The following SETX variants were observed in gnomAD, a reference collection of about 807,000 sequenced individuals.
SETX encodes the protein helicase senataxin.
A neutral mutation model predicts 227.2 loss-of-function variants in SETX; 90 were observed. The observed-to-expected ratio is 0.40, with a 90% CI of 0.33 to 0.47. The LOEUF is 0.47. Ranked by LOEUF, SETX falls within the 20% of genes least tolerant of loss-of-function variation. The pLI is 0.91. For synonymous variants in SETX, 1,210 were observed against 1,113.2 expected (o/e 1.09, Z -1.73); for missense variants, 3,052 against 3,181.5 (o/e 0.96, Z 0.98).
intron 21 of SETX, 53 bp from the exon 22 acceptor site, chr9:132,277,205 A>T: frequency 6.5e-7 from 1 of 1,529,516 alleles, no homozygotes; most frequent in Non-Finnish European, 9.0e-7. Flanking sequence ...GATTTAAGAA[A>T]ATATCTTGGT....
At chr9:132,268,672 T>C (rs1043419936) in intron 25 of SETX, among the ~76,000 whole-genome samples, 1 of 152,258 alleles carries the variant, frequency 6.6e-6, no homozygotes, top group Non-Finnish European at 1.5e-5. Context: ...TTCCACTGGA[T>C]ATATTTAAGA....
intron 2 of SETX, 54 bp from the exon 3 acceptor site, chr9:132,349,489 T>G: frequency 6.4e-7 from 1 of 1,557,670 alleles, no homozygotes; most frequent in Non-Finnish European, 8.8e-7. Context: ...ACCTACTGTG[T>G]GTCAAGAATA....
chr9:132,350,329 G>A (rs1363734534), intron 2 of SETX, among the ~76,000 whole-genome samples: 1 of 152,132 alleles, frequency 6.6e-6, no homozygotes, highest in Non-Finnish European at 1.5e-5. Flanking sequence ...CAGCCTGGGT[G>A]ACAGAGTGAA....
At chr9:132,302,556 A>C (rs1845063062) in intron 11 of SETX, among the ~76,000 whole-genome samples, 1 of 144,578 alleles carries the variant, frequency 6.9e-6, no homozygotes, top group African/African-American at 2.6e-5. Flanking sequence ...GCTACTTGGG[A>C]GGCTGAGGCA....
chr9:132,328,432 T>C lies in SETX; in HGVS notation c.3166A>G (p.Lys1056Glu), dbSNP rs370911416. Residue 1056 changes from lysine to glutamate, a missense_variant, in exon 10 of 26, where the codon AAG becomes GAG. This residue lies in a region of SETX where 1,483 missense variants were observed against 1,312.0 expected (regional missense o/e 1.13). Coordinates refer to ENST00000224140, the MANE Select transcript of SETX (RefSeq NM_015046.7). ...PEQHVSTVNSKEEKNPVKEEK... is the reference protein window; with the variant it reads ...PEQHVSTVNSEEEKNPVKEEK... ...TCCTTTACTGGATTCTTTTCCTCCTTACTATTAACTGTTGAAACGTGCTGC... is the reference window on the plus strand; with the variant it reads ...TCCTTTACTGGATTCTTTTCCTCCTCACTATTAACTGTTGAAACGTGCTGC... The C allele has an allele frequency of 1.9e-6, 3 of 1,613,432 alleles. No homozygotes were observed. The highest frequency in any genetic ancestry group is 2.5e-6 in the Non-Finnish European group (3 of 1,179,934).
intron 7 of SETX, 84 bp downstream of exon 7, chr9:132,334,524 A>G (rs1197692427): frequency 6.8e-7 from 1 of 1,462,958 alleles, no homozygotes; most frequent in Non-Finnish European, 9.6e-7. Context: ...CACAACATAC[A>G]CCAATTCCTG....
At chr9:132,269,839 G>C (rs13290880) in intron 24 of SETX, 137 bp from the exon 25 acceptor site, 9 of 823,232 alleles carry the variant, frequency 1.1e-5, no homozygotes, top group Admixed American at 5.5e-5. Flanking sequence ...GTGAGCCCGA[G>C]ACACAGGTGG....
intron 4 of SETX, among the ~76,000 whole-genome samples, chr9:132,345,392 G>C (rs938273580): frequency 6.6e-6 from 1 of 152,188 alleles, no homozygotes; most frequent in Non-Finnish European, 1.5e-5. Flanking sequence ...TCCTGCCTCA[G>C]CCTCCTGAGT....
Position 132,327,228 on chromosome 9 carries a change from A to G in SETX, c.4370T>C (p.Ile1457Thr). 1.2e-6 allele frequency: 2 copies of G among 1,614,164 alleles called. No homozygotes were observed. The highest frequency in any genetic ancestry group is 2.2e-5 in the South Asian group (2 of 91,082). Residue 1457 changes from isoleucine to threonine, a missense_variant, in exon 10 of 26, where the codon ATT (isoleucine) becomes ACT (threonine). Physicochemically the swap from Ile to Thr is moderately conservative, Grantham distance 89. Transcript: ENST00000224140. ...CAGAGGGTCTTCTGAAGTGGAGACA[A>G]TTACTTCATTTGTTGGTACTGTTCC... is the stretch of plus-strand genomic sequence containing the variant. Reference protein sequence around the residue: ...LNGTVPTNEVIVSTSEDPLGG... With the variant: ...LNGTVPTNEVTVSTSEDPLGG...
At chr9:132,315,473 C>A (rs186749246) in intron 10 of SETX, among the ~76,000 whole-genome samples, 82 of 152,284 alleles carry the variant, frequency 5.4e-4, no homozygotes, top group African/African-American at 1.9e-3. Context: ...CATTTTCTTG[C>A]ATCAATTTCT....
intron 11 of SETX, 141 bp from the exon 12 acceptor site, chr9:132,300,944 A>C (rs1844958956): frequency 1.6e-6 from 1 of 637,300 alleles, no homozygotes; most frequent in Non-Finnish European, 2.5e-6. Context: ...TTAAAATGGT[A>C]ATCTAATCCA....
intron 17 of SETX, 117 bp from the exon 18 acceptor site, chr9:132,286,611 C>T (rs1589647332): frequency 4.0e-6 from 3 of 757,882 alleles, no homozygotes; most frequent in Non-Finnish European, 6.8e-6. Context: ...AATGTATTTA[C>T]CCAGCTTATT....
At chr9:132,320,593 C>CA (rs141457619) in intron 10 of SETX, among the ~76,000 whole-genome samples, 94 of 61,020 alleles carry the variant, frequency 1.5e-3, no homozygotes, top group African/African-American at 2.9e-3. Context: ...GACTCCAACT[C>CA]AAAAAAAAAA....
At position 132,328,318 on chromosome 9, in the gene SETX, G is replaced by C; in HGVS notation, c.3280C>G (p.Gln1094Glu). The change falls in exon 10 of 26, where the codon CAA becomes GAA. Residue 1094 changes from glutamine to glutamate, a missense_variant. By Grantham distance (29) the Gln-to-Glu change is conservative. Coordinates refer to ENST00000224140, the MANE Select transcript of SETX (RefSeq NM_015046.7). Reference sequence around the variant, plus strand: ...GAATTATTATCGTCTGGATGATCTTGCCAAACTGAAAACACTTCAGATGAA... The same window carrying C: ...GAATTATTATCGTCTGGATGATCTTCCCAAACTGAAAACACTTCAGATGAA... ...ESSSEVFSVW[Q>E]DHPDDNNSVQ... 5.0e-6 allele frequency: 8 copies of C among 1,613,974 alleles called. No individual in the cohort carries two copies. Among genetic ancestry groups the C allele is most frequent in the Non-Finnish European group, 5.9e-6 (7 of 1,179,988 alleles).
At chr9:132,333,736 C>T (rs1847414642) in intron 7 of SETX, among the ~76,000 whole-genome samples, 1 of 151,906 alleles carries the variant, frequency 6.6e-6, no homozygotes, top group Admixed American at 6.6e-5. Context: ...AGTTTTAGGC[C>T]TCATTATCTA....
chr9:132,313,496 A>C (rs984447348), intron 10 of SETX, among the ~76,000 whole-genome samples: 1 of 152,222 alleles, frequency 6.6e-6, no homozygotes, highest in Non-Finnish European at 1.5e-5. Context: ...ATGATAGCTG[A>C]AATTCTGGAG....
At position 132,327,691 on chromosome 9, in the gene SETX, A is replaced by T; in HGVS notation, c.3907T>A (p.Ser1303Thr). The change falls in exon 10 of 26, where the codon TCT becomes ACT. Residue 1303 changes from serine (S) to threonine (T), a missense_variant. Ser to Thr is a moderately conservative substitution (Grantham distance 58, BLOSUM62 1). Transcript: ENST00000224140. ...CGTAATTGAGCTACATAATCCAAAG[A>T]CCGCTGGGACAACTCATATGCCTTA... is the stretch of plus-strand genomic sequence containing the variant. ...PRKAYELSQR[S>T]LDYVAQLRDH... 1 of 1,613,902 alleles carries T rather than the reference A, an allele frequency of 6.2e-7. No homozygotes were observed. Among genetic ancestry groups the T allele is most frequent in the Non-Finnish European group, 8.5e-7 (1 of 1,179,954 alleles).
chr9:132,282,299 A>ATT (rs148335455), intron 19 of SETX, among the ~76,000 whole-genome samples: 2,360 of 139,592 alleles, frequency 0.017, 67 homozygotes, highest in African/African-American at 0.058. Context: ...TTTTTAACTT[A>ATT]TTTTTTTTTT....
At chr9:132,353,849 T>TG (rs1362910329) in intron 1 of SETX, 94 bp from the exon 2 acceptor site, 1 of 152,234 alleles carries the variant, frequency 6.6e-6, no homozygotes, top group Non-Finnish European at 1.5e-5. Context: ...AGACAGATAC[T>TG]GCTGGCTGAT....
Sources: gnomAD v4.1 joint callset for allele counts (sites outside exome capture counted in the v4.1 genomes callset) on GRCh38, gnomAD v4.1.1 for gene constraint, gnomAD v4.1.1 regional missense constraint, MANE v1.5 for transcripts, NCBI Gene and HGNC (gene_info 2026-07-23, HGNC 2026-07-21) for gene names.